The following MTUS2 variants were observed in gnomAD, a reference collection of about 807,000 sequenced individuals.
MTUS2 encodes microtubule-associated tumor suppressor candidate 2.
A neutral mutation model predicts 114.1 loss-of-function variants in MTUS2; 40 were observed. The ratio of observed to expected loss-of-function variants is 0.35; its 90% CI spans 0.27 to 0.46. The LOEUF (loss-of-function observed/expected upper bound fraction) is 0.46. Among genes scored for constraint, MTUS2 ranks in the 20% least tolerant of loss-of-function variants. MTUS2 has a pLI of 1.00. For missense variants in MTUS2, 1,679 were observed against 1,705.4 expected (o/e 0.98, Z 0.27); for synonymous variants, 688 against 672.0 (o/e 1.02, Z -0.37).
chr13:29,074,566 G>A (rs766712149), intron 4 of MTUS2, among the ~76,000 whole-genome samples: 2 of 152,148 alleles, frequency 1.3e-5, no homozygotes, highest in African/African-American at 2.4e-5. Context: ...TGTCTTCACT[G>A]TTCTCTTCCT....
intron 2 of MTUS2, among the ~76,000 whole-genome samples, chr13:28,983,935 T>A (rs1474059341): frequency 1.3e-5 from 2 of 152,252 alleles, no homozygotes; most frequent in Non-Finnish European, 2.9e-5. Flanking sequence ...CGCAGCTGTT[T>A]GGGCGCTCTC....
intron 5 of MTUS2, among the ~76,000 whole-genome samples, chr13:29,154,829 C>A (rs1342748321): frequency 6.6e-6 from 1 of 152,158 alleles, no homozygotes; most frequent in Non-Finnish European, 1.5e-5. Context: ...CAATTCATAA[C>A]CTCATTAGTT....
In MTUS2 at chr13:28,979,930, C is replaced by G. The variant is rs540142790; in HGVS notation, c.-242-44527C>G. On this transcript the variant is annotated intron_variant, in intron 2 of 15. Transcript: ENST00000612955. The stretch of plus-strand genomic sequence containing the variant: ...ATTCAAGTTATCAAGAACCAGTGCT[C>G]CCTTAAAAGAAGTAAACATAACACC... Among the ~76,000 whole-genome samples the G allele has an allele frequency of 4.0e-3, 602 of 152,204 alleles. 4 individuals carry two copies. The highest frequency in any genetic ancestry group is 0.014 in the African/African-American group (571 of 41,526).
intron 5 of MTUS2, among the ~76,000 whole-genome samples, chr13:29,192,800 C>T (rs1894501304): frequency 6.6e-6 from 1 of 152,002 alleles, no homozygotes; most frequent in South Asian, 2.1e-4. Flanking sequence ...ATCTTTGAAC[C>T]CAAACTGGTG....
rs116709690 is a variant in MTUS2, at chr13:29,317,795, G to A, written c.2807-6818G>A. On this transcript the variant is annotated intron_variant, in intron 6 of 15. Transcript: ENST00000612955. ...CTCTTTTATTTGATATATTCTGATCGAGATAATGTTTCCTTTCTTCATTCT... is the reference window on the plus strand; with the variant it reads ...CTCTTTTATTTGATATATTCTGATCAAGATAATGTTTCCTTTCTTCATTCT... Among the ~76,000 whole-genome samples, 461 of 152,008 alleles carry A rather than the reference G, an allele frequency of 3.0e-3. 3 individuals are homozygous for A. The highest frequency in any genetic ancestry group is 0.011 in the African/African-American group (441 of 41,422).
At chr13:29,412,860 G>C (rs1875364373) in intron 8 of MTUS2, among the ~76,000 whole-genome samples, 1 of 152,046 alleles carries the variant, frequency 6.6e-6, no homozygotes, top group South Asian at 2.1e-4. Flanking sequence ...TCATGTATTG[G>C]CAGGTTGCAT....
intron 5 of MTUS2, among the ~76,000 whole-genome samples, chr13:29,162,951 G>T (rs1893161966): frequency 6.6e-6 from 1 of 152,136 alleles, no homozygotes; most frequent in African/African-American, 2.4e-5. Flanking sequence ...AAGGTCAGGA[G>T]AAAATTAACT....
intron 9 of MTUS2, among the ~76,000 whole-genome samples, chr13:29,461,063 C>T (rs1257816273): frequency 6.6e-6 from 1 of 152,092 alleles, no homozygotes; most frequent in Non-Finnish European, 1.5e-5. Flanking sequence ...AGATTAATTT[C>T]TTACAGTTCT....
At chr13:29,302,315 G>A (rs1899240163) in intron 6 of MTUS2, among the ~76,000 whole-genome samples, 1 of 152,148 alleles carries the variant, frequency 6.6e-6, no homozygotes, top group Non-Finnish European at 1.5e-5. Flanking sequence ...AACCCCACCT[G>A]GAAAACCATG....
intron 8 of MTUS2, among the ~76,000 whole-genome samples, chr13:29,392,148 A>AAAAAAAAAAAACC (rs1873545847): frequency 2.0e-4 from 1 of 4,892 alleles, no homozygotes; most frequent in Admixed American, 0.024. Context: ...AAACAAACCA[A>AAAAAAAAAAAACC]AAAAAAAAAA....
At chr13:29,002,692 G>A (rs1885437614) in intron 2 of MTUS2, among the ~76,000 whole-genome samples, 1 of 152,174 alleles carries the variant, frequency 6.6e-6, no homozygotes, top group Admixed American at 6.5e-5. Flanking sequence ...GTCATGCTGA[G>A]TTCAGTGACC....
chr13:29,003,974 C>T (rs1283478830), intron 2 of MTUS2, among the ~76,000 whole-genome samples: 1 of 152,180 alleles, frequency 6.6e-6, no homozygotes, highest in Non-Finnish European at 1.5e-5. Context: ...TTAGCCAACA[C>T]TGGCTCACTT....
chr13:29,500,440 C>T (rs995360822), intron 14 of MTUS2, among the ~76,000 whole-genome samples: 3 of 152,166 alleles, frequency 2.0e-5, no homozygotes, highest in African/African-American at 4.8e-5. Flanking sequence ...CTCAGGCCCT[C>T]GAGGACACGC....
At chr13:29,126,841 C>G (rs1295108970) in intron 5 of MTUS2, among the ~76,000 whole-genome samples, 1 of 152,210 alleles carries the variant, frequency 6.6e-6, no homozygotes, top group Non-Finnish European at 1.5e-5. Flanking sequence ...TCACTGGCCA[C>G]TTTGTACACC....
chr13:29,316,028 T>A (rs1267631462), intron 6 of MTUS2, among the ~76,000 whole-genome samples: 1 of 152,120 alleles, frequency 6.6e-6, no homozygotes, highest in Admixed American at 6.5e-5. Context: ...GGATGAGTCA[T>A]GCATTGGGGA....
intron 6 of MTUS2, among the ~76,000 whole-genome samples, chr13:29,292,546 C>T (rs1898761408): frequency 6.6e-6 from 1 of 151,942 alleles, no homozygotes; most frequent in Admixed American, 6.6e-5. Context: ...GAGTGAGAGG[C>T]CTATAATCTT....
rs919087931 is a variant in MTUS2 at position 29,503,878 on chromosome 13, T to C, written c.*672T>C. 1 of 232,748 alleles carries C rather than the reference T, an allele frequency of 4.3e-6. No individual in the cohort carries two copies. The highest frequency in any genetic ancestry group is 2.2e-5 in the African/African-American group (1 of 45,172). 14.4% of individuals were successfully genotyped at this position (232,748 alleles called of 1,614,324 possible). The stretch of plus-strand genomic sequence containing the variant: ...GCTTCTCAGTCAACATGATGTGAGA[T>C]CACTATTATTCCATTCGCAAGTTTT... On this transcript the variant is annotated 3_prime_UTR_variant, in exon 16 of 16. Coordinates refer to ENST00000612955, the MANE Select transcript of MTUS2 (RefSeq NM_001033602.4).
rs1021207361 is a variant in MTUS2, at chr13:28,907,969, A to G, written c.-243+68119A>G. ...TTTCCCTGTGGGCCGTCTGTTATTT[A>G]TCTTTGGCTGCTTTCAAGATTTTTC... On this transcript the variant is annotated intron_variant, in intron 2 of 15. Transcript: ENST00000612955. Among the ~76,000 whole-genome samples, 14 of 151,310 alleles carry G rather than the reference A, an allele frequency of 9.3e-5. 1 individual carries two copies. The highest frequency in any genetic ancestry group is 3.4e-4 in the African/African-American group (14 of 40,932).
intron 2 of MTUS2, among the ~76,000 whole-genome samples, chr13:28,951,319 T>C (rs1882797979): frequency 6.6e-6 from 1 of 152,250 alleles, no homozygotes; most frequent in Non-Finnish European, 1.5e-5. Context: ...TATTAAGTTT[T>C]CCAATCCATG....
Sources: gnomAD v4.1 joint callset for allele counts (sites outside exome capture counted in the v4.1 genomes callset) on GRCh38, gnomAD v4.1.1 for gene constraint, MANE v1.5 for transcripts, NCBI Gene and HGNC (gene_info 2026-07-23, HGNC 2026-07-21) for gene names.